Variants in GALNT5 observed in about 807,000 individuals in gnomAD.
GALNT5 encodes the protein polypeptide N-acetylgalactosaminyltransferase 5, also known as UDP-GalNAc:polypeptide N-acetylgalactosaminyltransferase 5.
In GALNT5, 72 loss-of-function variants were observed where a neutral mutation model predicts 85.4. The ratio of observed to expected loss-of-function variants is 0.84; its 90% CI spans 0.70 to 1.03. GALNT5 has a LOEUF of 1.03. Among genes scored for constraint, GALNT5 ranks in the 50% least tolerant of loss-of-function variants. The pLI, the probability that GALNT5 is intolerant of heterozygous loss-of-function variation, is 0.00. For missense variants in GALNT5, 1,137 were observed against 1,135.5 expected (o/e 1.00, Z -0.02); for synonymous variants, 404 against 397.0 (o/e 1.02, Z -0.21).
At position 157,275,086 on chromosome 2, in the gene GALNT5, G is replaced by A. The variant is rs1682688859; in HGVS notation, c.1455-9196G>A. ...TTCCCAGCACCATTTATTAAATAGG[G>A]TCCTTTCTCCATTTCTTGTTTTTGT... On this transcript the variant is annotated intron_variant, in intron 1 of 9. Coordinates refer to ENST00000259056, the MANE Select transcript of GALNT5 (RefSeq NM_014568.3). Among the ~76,000 whole-genome samples, 7 of 151,588 alleles carry A rather than the reference G, an allele frequency of 4.6e-5. No individual in the cohort carries two copies. The South Asian group carries it at 1.5e-3, about 32-fold the overall frequency.
chr2:157,296,585 A>T lies in GALNT5; in HGVS notation c.1997+72A>T, dbSNP rs1370788633. 3.5e-6 allele frequency: 4 copies of T among 1,137,332 alleles called. No homozygotes were observed. The African/African-American group carries it at 4.6e-5, about 13-fold the overall frequency. The allele number at this position is 1,137,332 out of a possible 1,614,324, so 70.5% of individuals were successfully genotyped here. Reference sequence around the variant, plus strand: ...GTAAAAGCATTAAAAAATTCTACAAAACAGCTGTATCTTGTTATTCTATAG... The same window carrying T: ...GTAAAAGCATTAAAAAATTCTACAATACAGCTGTATCTTGTTATTCTATAG... On this transcript the variant is annotated intron_variant, in intron 5 of 9. Coordinates refer to ENST00000259056, the MANE Select transcript of GALNT5 (RefSeq NM_014568.3).
chr2:157,309,720 G>A (rs9917377), intron 9 of GALNT5, among the ~76,000 whole-genome samples: 1,652 of 152,174 alleles, frequency 0.011, 27 homozygotes, highest in African/African-American at 0.037. Context: ...TTCCTGCTCA[G>A]AGCCAAAACT....
At chr2:157,298,387 C>T (rs1331796614) in intron 5 of GALNT5, among the ~76,000 whole-genome samples, 2 of 152,204 alleles carry the variant, frequency 1.3e-5, no homozygotes, top group Non-Finnish European at 2.9e-5. Context: ...TACAGCCCTC[C>T]CCTTCCACCA....
In GALNT5 at chr2:157,295,892, T is replaced by C. The variant is rs1469215304; in HGVS notation, c.1877+94T>C. 17 of 903,588 alleles carry C rather than the reference T, an allele frequency of 1.9e-5. No individual in the cohort carries two copies. The South Asian group carries it at 2.9e-4, about 15-fold the overall frequency. 56.0% of individuals were successfully genotyped at this position (903,588 alleles called of 1,614,324 possible). ...GTATATGCCTAATATGTGTGTTTTT[T>C]CAAAATCCAAGACATATACAGTTTA... On this transcript the variant is annotated intron_variant, in intron 4 of 9. Transcript: ENST00000259056.
chr2:157,298,968 A>AGAAGACCG (rs1683278876), intron 5 of GALNT5: 1 of 89,970 alleles, frequency 1.1e-5, no homozygotes, highest in African/African-American at 4.3e-5. Context: ...CCGGAAGACC[A>AGAAGACCG]GAAGACCGGA....
chr2:157,303,268 C>T (rs1683378531), intron 7 of GALNT5, among the ~76,000 whole-genome samples: 2 of 151,962 alleles, frequency 1.3e-5, no homozygotes, highest in African/African-American at 4.8e-5. Flanking sequence ...AAATTTAAAT[C>T]CAGTGAAAGT....
At chr2:157,267,224 G>A (rs149234220) in intron 1 of GALNT5, among the ~76,000 whole-genome samples, 24 of 152,258 alleles carry the variant, frequency 1.6e-4, no homozygotes, top group African/African-American at 5.5e-4. Flanking sequence ...TTGAGAAATC[G>A]AGGGAAATCT....
At chr2:157,296,561 T>C in intron 5 of GALNT5, 48 bp downstream of exon 5, 2 of 1,456,820 alleles carry the variant, frequency 1.4e-6, no homozygotes, top group Non-Finnish European at 1.9e-6. Context: ...TATCTTTTTG[T>C]AAAAGCATTA....
At position 157,284,444 on chromosome 2, in the gene GALNT5, C is replaced by T; in HGVS notation, c.1617C>T (p.Thr539=). The part of the protein sequence containing the change: ...KEILLVDDFS[T]KDYLKDNLDK... The stretch of plus-strand genomic sequence containing the variant: ...TTCTGCTGGTAGATGACTTCAGCAC[C>T]AAAGGTAAGAAAACCACTCAGGCTA... Residue 539 remains threonine (T), a synonymous_variant, in exon 2 of 10, where the codon ACC becomes ACT. Transcript: ENST00000259056. 5.6e-6 allele frequency: 9 copies of T among 1,612,922 alleles called. No individual in the cohort carries two copies. Among genetic ancestry groups the T allele is most frequent in the Non-Finnish European group, 7.6e-6 (9 of 1,179,184 alleles).
rs1683606766 is a variant in GALNT5 at position 157,312,885 on chromosome 2, T to A, written c.*1537T>A. 1 of 152,164 alleles carries A rather than the reference T, an allele frequency of 6.6e-6. No homozygotes were observed. Among genetic ancestry groups the A allele is most frequent in the African/African-American group, 2.4e-5 (1 of 41,444 alleles). 9.4% of individuals were successfully genotyped at this position (152,164 alleles called of 1,614,324 possible). ...CTTGTTAATATGTTTTTTCTTTTTT[T>A]AAATTTAAACTTTTGTTCAGTTGAG... On this transcript the variant is annotated 3_prime_UTR_variant, in exon 10 of 10. Coordinates refer to ENST00000259056, the MANE Select transcript of GALNT5 (RefSeq NM_014568.3).
At chr2:157,303,675 C>CA (rs1175591662) in intron 7 of GALNT5, among the ~76,000 whole-genome samples, 2 of 151,930 alleles carry the variant, frequency 1.3e-5, no homozygotes, top group Admixed American at 1.3e-4. Context: ...CCTTCCATGG[C>CA]AAAAACCTCA....
intron 3 of GALNT5, among the ~76,000 whole-genome samples, chr2:157,292,576 C>A (rs1478100959): frequency 6.6e-6 from 1 of 152,168 alleles, no homozygotes. Flanking sequence ...CATCCTGCTG[C>A]CACTGGGGAC....
chr2:157,291,639 C>CT (rs892398070), intron 3 of GALNT5, among the ~76,000 whole-genome samples: 11 of 139,014 alleles, frequency 7.9e-5, no homozygotes, highest in South Asian at 5.0e-4. Flanking sequence ...ACCCACCCCC[C>CT]CCCAGATTTT....
intron 1 of GALNT5, among the ~76,000 whole-genome samples, chr2:157,281,615 AG>A (rs1682856736): frequency 7.5e-6 from 1 of 133,588 alleles, no homozygotes; most frequent in African/African-American, 4.1e-5. Context: ...TCAGAAAAAA[AG>A]AAAGAAAGAA....
intron 6 of GALNT5, 97 bp downstream of exon 6, chr2:157,299,762 C>A (rs955532953): frequency 4.6e-5 from 27 of 580,806 alleles, no homozygotes; most frequent in Middle Eastern, 4.9e-4. Flanking sequence ...GTGACTGCCA[C>A]TGAGAGGAAA....
At position 157,284,240 on chromosome 2, in the gene GALNT5, T is replaced by C. The variant is rs1391026111; in HGVS notation, c.1455-42T>C. ...GACTTTTAAAACTATCTTGTGGATC[T>C]CCTTAGCACATCTCTTGTGCTCTGC... is the stretch of plus-strand genomic sequence containing the variant. On this transcript the variant is annotated intron_variant, in intron 1 of 9. Transcript: ENST00000259056. 2.6e-6 allele frequency: 4 copies of C among 1,568,388 alleles called. No individual in the cohort carries two copies. In the East Asian group the frequency reaches 9.0e-5, roughly 35 times the overall value.
chr2:157,287,536 C>G (rs1683007783), intron 3 of GALNT5, among the ~76,000 whole-genome samples: 1 of 152,142 alleles, frequency 6.6e-6, no homozygotes, highest in African/African-American at 2.4e-5. Context: ...AATTTGACCA[C>G]TAGGAGCTTC....
At chr2:157,278,923 C>G (rs1008464561) in intron 1 of GALNT5, among the ~76,000 whole-genome samples, 5 of 152,202 alleles carry the variant, frequency 3.3e-5, no homozygotes, top group African/African-American at 4.8e-5. Flanking sequence ...TTCAGCTTTT[C>G]TGCCCTGGTT....
chr2:157,257,986 T>TCTGCTGCTGCTGCTG lies in GALNT5; in HGVS notation c.-85_-71dup, dbSNP rs138788414. On this transcript the variant is annotated 5_prime_UTR_variant, in exon 1 of 10. Transcript: ENST00000259056. ...GGGGAGGGGGTCACTTTCTGGCAAC[T>TCTGCTGCTGCTGCTG]CTGCTGCTGCTGCTGCTGCTGCTGC... 3.6e-3 allele frequency: 4,784 copies of TCTGCTGCTGCTGCTG among 1,319,922 alleles called. 105 individuals are homozygous for TCTGCTGCTGCTGCTG. In the African/African-American group the frequency reaches 0.061, roughly 17 times the overall value. 81.8% of individuals were successfully genotyped at this position (1,319,922 alleles called of 1,614,324 possible).
Sources: allele counts gnomAD v4.1 joint callset (sites outside exome capture counted in the v4.1 genomes callset), GRCh38; gene constraint gnomAD v4.1.1; transcripts MANE v1.5; gene names NCBI Gene and HGNC (gene_info 2026-07-23, HGNC 2026-07-21).